The following RHCE variants were observed in gnomAD, a reference collection of about 807,000 sequenced individuals.
The protein encoded by RHCE is Rh blood group CcEe antigens.
Under a neutral mutation model 43.8 loss-of-function variants are expected in RHCE, and 22 were observed. The ratio of observed to expected loss-of-function variants is 0.50; its 90% CI spans 0.36 to 0.72. RHCE has a LOEUF of 0.72. Ranked by LOEUF, RHCE falls within the 30% of genes least tolerant of loss-of-function variation. RHCE has a pLI of 0.00. For missense variants in RHCE, 385 were observed against 525.4 expected (o/e 0.73, Z 2.61); for synonymous variants, 156 against 210.7 (o/e 0.74, Z 2.25).
chr1:25,381,268 C>A (rs958412313), intron 7 of RHCE, among the ~76,000 whole-genome samples: 1 of 152,076 alleles, frequency 6.6e-6, no homozygotes, highest in South Asian at 2.1e-4. Flanking sequence ...GTTTCCAACA[C>A]GTGGTTCTTC....
intron 1 of RHCE, chr1:25,411,222 G>A (rs993033340): frequency 7.5e-7 from 1 of 1,338,384 alleles, no homozygotes; most frequent in African/African-American, 1.5e-5. Context: ...CACCTGAGAG[G>A]TTTCTGGGAC....
Position 25,390,760 on chromosome 1 carries a change from T to C in RHCE, c.790A>G (p.Lys264Glu). Residue 264 changes from lysine to glutamate, a missense_variant, in exon 5 of 10, where the codon AAG becomes GAG. Transcript: ENST00000294413. ...SGSSLAHPQRKISMTYVHSAV... is the reference protein window; with the variant it reads ...SGSSLAHPQREISMTYVHSAV... ...AGCGCCCTGCTCACCATGCTGATCT[T>C]CCTTTGGGGGTGAGCCAAGGATGAC... The C allele has an allele frequency of 6.2e-7, 1 of 1,614,232 alleles. No individual in the cohort carries two copies. The highest frequency in any genetic ancestry group is 8.5e-7 in the Non-Finnish European group (1 of 1,180,046).
intron 3 of RHCE, among the ~76,000 whole-genome samples, chr1:25,396,272 A>G (rs1317276614): frequency 6.6e-6 from 1 of 152,282 alleles, no homozygotes; most frequent in Non-Finnish European, 1.5e-5. Flanking sequence ...CATGAGAACT[A>G]AATGCAAGAT....
At chr1:25,386,938 G>C (rs1276825245) in intron 6 of RHCE, among the ~76,000 whole-genome samples, 1 of 152,090 alleles carries the variant, frequency 6.6e-6, no homozygotes, top group South Asian at 2.1e-4. Flanking sequence ...GGCTGAGGTA[G>C]GAGAATCACT....
intron 3 of RHCE, among the ~76,000 whole-genome samples, chr1:25,397,368 G>C (rs1472401273): frequency 4.0e-5 from 6 of 150,858 alleles, no homozygotes; most frequent in African/African-American, 1.5e-4. Flanking sequence ...GTGGTGGTGT[G>C]TGCCTGTAAT....
Position 25,418,578 on chromosome 1 carries a change from C to G in RHCE, c.148+2061G>C, listed in dbSNP as rs1387377359. 2.6e-5 allele frequency among the ~76,000 whole-genome samples: 4 copies of G among 152,358 alleles called. No individual in the cohort carries two copies. The Middle Eastern group carries it at 0.01, about 389-fold the overall frequency. On this transcript the variant is annotated intron_variant, in intron 1 of 9. Coordinates refer to ENST00000294413, the MANE Select transcript of RHCE (RefSeq NM_020485.8). ...TTGGCCTCCCAAAGTGCTGGGATTACAGGTGTCAGCTACCTCGCCCAGCCC... is the reference window on the plus strand; with the variant it reads ...TTGGCCTCCCAAAGTGCTGGGATTAGAGGTGTCAGCTACCTCGCCCAGCCC...
At chr1:25,397,517 C>G (rs1191501769) in intron 3 of RHCE, among the ~76,000 whole-genome samples, 1 of 151,270 alleles carries the variant, frequency 6.6e-6, no homozygotes, top group Non-Finnish European at 1.5e-5. Context: ...AAAAAAACTT[C>G]CCATATTCCC....
intron 7 of RHCE, among the ~76,000 whole-genome samples, chr1:25,379,775 A>G (rs960130691): frequency 6.6e-6 from 1 of 152,002 alleles, no homozygotes; most frequent in East Asian, 1.9e-4. Flanking sequence ...CCTGGGCTCA[A>G]GTGATCCTCT....
intron 1 of RHCE, among the ~76,000 whole-genome samples, chr1:25,409,253 G>A (rs1647001965): frequency 8.1e-6 from 1 of 123,878 alleles, no homozygotes; most frequent in Non-Finnish European, 1.8e-5. Context: ...TATTGCATAT[G>A]AGGGCCAACC....
At chr1:25,409,662 T>C (rs2982327) in intron 1 of RHCE, among the ~76,000 whole-genome samples, 121,449 of 122,054 alleles carry the variant, frequency 1, 60,571 homozygotes, top group Middle Eastern at 1. Flanking sequence ...ACTGTGGCAC[T>C]CTCTAACTGT....
At chr1:25,418,493 G>C (rs945631967) in intron 1 of RHCE, among the ~76,000 whole-genome samples, 5 of 152,048 alleles carry the variant, frequency 3.3e-5, no homozygotes, top group African/African-American at 9.7e-5. Context: ...AGTAGAGATG[G>C]GGTTTTGCCA....
At chr1:25,425,727 G>A (rs1175493061), upstream of RHCE, among the ~76,000 whole-genome samples, 1 of 152,170 alleles carries the variant, frequency 6.6e-6, no homozygotes, top group Non-Finnish European at 1.5e-5. Flanking sequence ...CAGCTTTCAC[G>A]TGTAATCATG....
chr1:25,425,946 T>C lies in RHCE; in HGVS notation c.-40+3007A>G, dbSNP rs536626601. 2.0e-5 allele frequency among the ~76,000 whole-genome samples: 3 copies of C among 152,338 alleles called. No individual in the cohort carries two copies. In the East Asian group the frequency reaches 5.8e-4, roughly 29 times the overall value. The stretch of plus-strand genomic sequence containing the variant: ...TTCATTGATTTAACACACATGAGCT[T>C]TGGAGTTAGGCAACCTGGTTCAAAT... On this transcript the variant is annotated intron_variant, in intron 2 of 11. Coordinates refer to the RHCE transcript ENST00000349320.
chr1:25,396,047 T>C (rs938305574), intron 3 of RHCE, among the ~76,000 whole-genome samples: 1 of 151,482 alleles, frequency 6.6e-6, no homozygotes, highest in Non-Finnish European at 1.5e-5. Flanking sequence ...ATGGGGCAAA[T>C]TGATAGCATG....
rs1178414976 is a variant in RHCE at position 25,405,693 on chromosome 1, A to AGGT, written c.336-2948_336-2947insACC. 8.2e-5 allele frequency among the ~76,000 whole-genome samples: 10 copies of AGGT among 122,508 alleles called. 2 individuals are homozygous for AGGT. The highest frequency in any genetic ancestry group is 2.5e-4 in the African/African-American group (10 of 39,730). 80.4% of individuals were successfully genotyped at this position (122,508 alleles called of 152,430 possible). Reference sequence around the variant, plus strand: ...ATAAAAATTTAAAACATCCCACTTCAGGGTTCCATTTATTTTCATTTTTGT... The same window carrying AGGT: ...ATAAAAATTTAAAACATCCCACTTCAGGTGGGTTCCATTTATTTTCATTTTTGT... On this transcript the variant is annotated intron_variant, in intron 2 of 9. Transcript: ENST00000294413.
Position 25,392,081 on chromosome 1 carries a change from C to T in RHCE, c.547G>A (p.Val183Met). ...AGAGGCTTTGGCAGGCACCAGGCCA[C>T]AGTCAGCCCAAAATAGGCTGCGAAC... ...YVFAAYFGLT[V>M]AWCLPKPLPK... The change falls in exon 4 of 10, where the codon GTG becomes ATG. Residue 183 changes from valine (V) to methionine (M), a missense_variant. This residue lies in a region of RHCE where 110 missense variants were observed against 103.4 expected (regional missense o/e 1.06). Transcript: ENST00000294413. The T allele has an allele frequency of 6.2e-7, 1 of 1,614,174 alleles. No homozygotes were observed. Among genetic ancestry groups the T allele is most frequent in the South Asian group, 1.1e-5 (1 of 91,080 alleles).
chr1:25,393,982 T>TTTTA (rs537910205), intron 3 of RHCE, among the ~76,000 whole-genome samples: 53 of 152,182 alleles, frequency 3.5e-4, no homozygotes, highest in Admixed American at 2.7e-3. Flanking sequence ...TGCTTTTTAT[T>TTTTA]TTTATTTATT....
intron 7 of RHCE, among the ~76,000 whole-genome samples, chr1:25,385,312 G>T (rs1056646122): frequency 2.0e-5 from 3 of 150,570 alleles, no homozygotes; most frequent in East Asian, 1.9e-4. Flanking sequence ...CCATTTACAA[G>T]GGGGCGACTG....
At chr1:25,401,770 T>G (rs959713721) in intron 3 of RHCE, among the ~76,000 whole-genome samples, 1 of 152,268 alleles carries the variant, frequency 6.6e-6, no homozygotes, top group Non-Finnish European at 1.5e-5. Context: ...AGGATTATAC[T>G]GTAGTAGTTA....
Sources: gnomAD v4.1 joint callset for allele counts (sites outside exome capture counted in the v4.1 genomes callset) on GRCh38, gnomAD v4.1.1 for gene constraint, gnomAD v4.1.1 regional missense constraint, MANE v1.5 for transcripts, NCBI Gene and HGNC (gene_info 2026-07-23, HGNC 2026-07-21) for gene names.